Variants in BFAR observed in about 807,000 individuals in gnomAD.
BFAR encodes the protein bifunctional apoptosis regulator.
In BFAR, 52 loss-of-function variants were observed where a neutral mutation model predicts 54.4. The ratio of observed to expected loss-of-function variants is 0.96; its 90% CI spans 0.77 to 1.21. BFAR has a LOEUF of 1.21. BFAR is among the 50% of genes most tolerant of loss of function. BFAR has a pLI of 0.00. For missense variants in BFAR, 571 were observed against 534.0 expected, an observed-to-expected ratio of 1.07 and a Z score of -0.68; for synonymous variants, 215 against 204.3, an observed-to-expected ratio of 1.05 and a Z score of -0.45.
chr16:14,649,793 C>G lies in BFAR; in HGVS notation c.469-11C>G. The G allele has an allele frequency of 6.3e-7, 1 of 1,585,074 alleles. No homozygotes were observed. The highest frequency in any genetic ancestry group is 2.3e-5 in the East Asian group (1 of 44,096). On this transcript the variant is annotated splice_polypyrimidine_tract_variant and intron_variant, in intron 3 of 7. Transcript: ENST00000261658. The stretch of plus-strand genomic sequence containing the variant: ...TCTCCATGGTTTAAAGTCCCTGTCA[C>G]TTTTCCCCAGGTGGTCCTGCTCGTC...
chr16:14,648,239 C>T (rs1432135751), intron 2 of BFAR, 149 bp from the exon 3 acceptor site: 3 of 643,452 alleles, frequency 4.7e-6, no homozygotes, highest in Non-Finnish European at 7.9e-6. Flanking sequence ...AGATTTTTTG[C>T]TTTTACCCAC....
intron 2 of BFAR, among the ~76,000 whole-genome samples, chr16:14,647,900 G>A (rs746597813): frequency 6.6e-6 from 1 of 152,104 alleles, no homozygotes; most frequent in East Asian, 1.9e-4. Flanking sequence ...AGTAGTAAAT[G>A]TATATCATCA....
chr16:14,642,933 T>C, intron 1 of BFAR, among the ~76,000 whole-genome samples: 1 of 152,334 alleles, frequency 6.6e-6, no homozygotes, highest in Admixed American at 6.5e-5. Flanking sequence ...CCCAGCACTT[T>C]GATAGGCCAA....
At chr16:14,661,170 T>G (rs986770646) in intron 5 of BFAR, among the ~76,000 whole-genome samples, 5 of 152,196 alleles carry the variant, frequency 3.3e-5, no homozygotes, top group Admixed American at 2.0e-4. Flanking sequence ...TTTCACTGGT[T>G]TCACTATTAC....
Position 14,661,951 on chromosome 16 carries a change from G to A in BFAR, c.843G>A (p.Leu281=), listed in dbSNP as rs1430952378. 1.9e-6 allele frequency: 3 copies of A among 1,614,032 alleles called. No homozygotes were observed. Among genetic ancestry groups the A allele is most frequent in the Non-Finnish European group, 2.5e-6 (3 of 1,180,046 alleles). ...LLYALKSSPR[L]SLLYLYLFDY... Reference sequence around the variant, plus strand: ...ACGCCCTCAAGAGCTCCCCCAGGCTGAGTCTGCTCTACCTGTACCTGTTTG... The same window carrying A: ...ACGCCCTCAAGAGCTCCCCCAGGCTAAGTCTGCTCTACCTGTACCTGTTTG... The change falls in exon 6 of 8, where the codon CTG becomes CTA. Residue 281 remains leucine (L), a synonymous_variant. Transcript: ENST00000261658.
At chr16:14,634,265 T>C (rs191943824) in intron 1 of BFAR, among the ~76,000 whole-genome samples, 9 of 152,364 alleles carry the variant, frequency 5.9e-5, no homozygotes, top group Admixed American at 5.2e-4. Flanking sequence ...GGGGTTGTTT[T>C]GTTTGTTCTT....
At chr16:14,645,112 A>G (rs1293661381) in intron 2 of BFAR, among the ~76,000 whole-genome samples, 1 of 152,182 alleles carries the variant, frequency 6.6e-6, no homozygotes, top group Non-Finnish European at 1.5e-5. Context: ...CCAGGAATTT[A>G]GAAGCATCCT....
At position 14,662,832 on chromosome 16, in the gene BFAR, C is replaced by T. The variant is rs540462089; in HGVS notation, c.957+767C>T. ...TAAAGAAGGAAGGGATTTATTTGTC[C>T]GGGAGCGTCGGCAAGACTCCTGTCT... is the stretch of plus-strand genomic sequence containing the variant. On this transcript the variant is annotated intron_variant, in intron 6 of 7. Coordinates refer to ENST00000261658, the MANE Select transcript of BFAR (RefSeq NM_016561.3). Among the ~76,000 whole-genome samples the T allele has an allele frequency of 6.1e-4, 93 of 152,214 alleles. 1 individual carries two copies. The highest frequency in any genetic ancestry group is 6.8e-3 in the Middle Eastern group (2 of 294).
In BFAR at chr16:14,643,258, C is replaced by A. The variant is rs961612641; in HGVS notation, c.-73-1016C>A. Among the ~76,000 whole-genome samples the A allele has an allele frequency of 4.6e-5, 7 of 151,586 alleles. No individual in the cohort carries two copies. The East Asian group carries it at 1.4e-3, about 29-fold the overall frequency. On this transcript the variant is annotated intron_variant, in intron 1 of 7. Transcript: ENST00000261658. The stretch of plus-strand genomic sequence containing the variant: ...CTGGCAGGCAGAGGTTGACGTGAGC[C>A]AAGATCACACCACCGCACTCCAGCC...
intron 2 of BFAR, among the ~76,000 whole-genome samples, chr16:14,647,637 A>G (rs1279408050): frequency 6.6e-6 from 1 of 151,616 alleles, no homozygotes; most frequent in Non-Finnish European, 1.5e-5. Flanking sequence ...AGATCATGAC[A>G]TTACACTCCA....
chr16:14,633,088 G>A (rs1195051224), intron 1 of BFAR, 70 bp downstream of exon 1: 1 of 152,394 alleles, frequency 6.6e-6, no homozygotes, highest in Non-Finnish European at 1.5e-5. Context: ...TGATGTGGAA[G>A]ACGGAGCGGG....
intron 5 of BFAR, among the ~76,000 whole-genome samples, chr16:14,655,857 T>C (rs2151841765): frequency 6.6e-6 from 1 of 152,340 alleles, no homozygotes; most frequent in South Asian, 2.1e-4. Flanking sequence ...ATCTGCTCTT[T>C]AAGCCAGCAT....
chr16:14,636,914 G>T (rs185592436), intron 1 of BFAR, among the ~76,000 whole-genome samples: 1 of 152,294 alleles, frequency 6.6e-6, no homozygotes, highest in South Asian at 2.1e-4. Context: ...ATCTTGTACC[G>T]CCCGTAATCC....
intron 1 of BFAR, among the ~76,000 whole-genome samples, chr16:14,642,017 G>T (rs963588332): frequency 1.3e-5 from 2 of 152,114 alleles, no homozygotes; most frequent in African/African-American, 4.8e-5. Flanking sequence ...TCTATATGGT[G>T]AGCAAGCTGA....
In BFAR at chr16:14,662,064, T is replaced by C. The variant is rs1960306553; in HGVS notation, c.956T>C (p.Leu319Pro). ...GGGGAGGACATCGTCACCAAGCTTCTGGTAGGTCTGCACAGTGCCTGGAAT... is the reference window on the plus strand; with the variant it reads ...GGGGAGGACATCGTCACCAAGCTTCCGGTAGGTCTGCACAGTGCCTGGAAT... ...SSGEDIVTKL[L>P]DLKEPTWKQW... Residue 319 changes from leucine (L) to proline (P), a missense_variant and splice_region_variant, in exon 6 of 8, where the codon CTG (leucine) becomes CCG (proline). Coordinates refer to ENST00000261658, the MANE Select transcript of BFAR (RefSeq NM_016561.3). 2.5e-6 allele frequency: 4 copies of C among 1,614,042 alleles called. No homozygotes were observed. Among genetic ancestry groups the C allele is most frequent in the Non-Finnish European group, 3.4e-6 (4 of 1,180,004 alleles).
chr16:14,665,075 A>T lies in BFAR; in HGVS notation c.1160+4A>T. The T allele has an allele frequency of 6.2e-7, 1 of 1,606,170 alleles. No individual in the cohort carries two copies. ...TCTGGTCGAGAAGTGAACTGAAGTA[A>T]GTATGTTTTAATGGTTGTCACAACA... On this transcript the variant is annotated splice_donor_region_variant and intron_variant, in intron 7 of 7. Transcript: ENST00000261658.
Position 14,648,858 on chromosome 16 carries a change from T to G in BFAR, c.468+266T>G, listed in dbSNP as rs561349094. On this transcript the variant is annotated intron_variant, in intron 3 of 7. Coordinates refer to ENST00000261658, the MANE Select transcript of BFAR (RefSeq NM_016561.3). ...ATGTCTGCCTTGGTAATACAATCTT[T>G]TTTTGTTTTGTTTTGTTTTTGAGAC... 5.3e-5 allele frequency among the ~76,000 whole-genome samples: 8 copies of G among 152,116 alleles called. No individual in the cohort carries two copies. In the East Asian group the frequency reaches 1.4e-3, roughly 26 times the overall value.
In BFAR at chr16:14,661,926, A is replaced by G. The variant is rs756451438; in HGVS notation, c.818A>G (p.Tyr273Cys). The G allele has an allele frequency of 5.9e-5, 96 of 1,613,954 alleles. No homozygotes were observed. The highest frequency in any genetic ancestry group is 7.5e-5 in the Non-Finnish European group (89 of 1,180,018). ...VNPGRSLFLL[Y>C]ALKSSPRLSL... ...CCAGGCAGGTCCCTGTTCCTGCTATACGCCCTCAAGAGCTCCCCCAGGCTG... is the reference window on the plus strand; with the variant it reads ...CCAGGCAGGTCCCTGTTCCTGCTATGCGCCCTCAAGAGCTCCCCCAGGCTG... Residue 273 changes from tyrosine to cysteine, a missense_variant, in exon 6 of 8, where the codon TAC becomes TGC. Coordinates refer to ENST00000261658, the MANE Select transcript of BFAR (RefSeq NM_016561.3).
chr16:14,655,171 A>C lies in BFAR; in HGVS notation c.744A>C (p.Ala248=). 2.5e-6 allele frequency: 4 copies of C among 1,586,042 alleles called. No individual in the cohort carries two copies. Among genetic ancestry groups the C allele is most frequent in the Non-Finnish European group, 3.4e-6 (4 of 1,167,046 alleles). ...AILMELERVK[A]LGVKPPQNLW... is the part of the protein sequence containing the mutation. The stretch of plus-strand genomic sequence containing the variant: ...TCATGGAGCTAGAACGTGTCAAAGC[A>C]TTAGGCGTGAAGCCCCCCCAGAATC... Residue 248 remains alanine, a synonymous_variant, in exon 5 of 8, where the codon GCA becomes GCC. Transcript: ENST00000261658.
Sources: gnomAD v4.1 joint callset for allele counts (sites outside exome capture counted in the v4.1 genomes callset) on GRCh38, gnomAD v4.1.1 for gene constraint, MANE v1.5 for transcripts, NCBI Gene and HGNC (gene_info 2026-07-23, HGNC 2026-07-21) for gene names.